ADK: variants seen among roughly 807,000 people sequenced by gnomAD.
ADK encodes the protein N6,N6-dimethyladenosine kinase.
In ADK, 24 loss-of-function variants were observed where a neutral mutation model predicts 44.7. The observed-to-expected ratio is 0.54, with a 90% CI of 0.39 to 0.76. The LOEUF is 0.76. Ranked by LOEUF, ADK falls within the 30% of genes least tolerant of loss-of-function variation. The probability of loss-of-function intolerance (pLI) is 0.00; values close to 1 mark genes in which losing one functional copy is unlikely to be tolerated. For synonymous variants in ADK, 128 were observed against 142.6 expected, an observed-to-expected ratio of 0.90 and a Z score of 0.73; for missense variants, 321 against 425.1, an observed-to-expected ratio of 0.76 and a Z score of 2.15.
intron 9 of ADK, among the ~76,000 whole-genome samples, chr10:74,617,893 G>A (rs959012760): frequency 1.3e-5 from 2 of 152,060 alleles, no homozygotes; most frequent in African/African-American, 2.4e-5. Context: ...TGCCAGCCTT[G>A]CTTTATGTAT....
chr10:74,526,092 T>A lies in ADK; in HGVS notation c.726+666T>A, dbSNP rs74399927. Reference sequence around the variant, plus strand: ...ACCACAATCAGGATAAAAAAGCACATTCATCACTTTTTTAAGTCTCTTCAG... The same window carrying A: ...ACCACAATCAGGATAAAAAAGCACAATCATCACTTTTTTAAGTCTCTTCAG... On this transcript the variant is annotated intron_variant, in intron 7 of 10. Coordinates refer to ENST00000539909, the MANE Select transcript of ADK (RefSeq NM_006721.4). 5.2e-3 allele frequency among the ~76,000 whole-genome samples: 792 copies of A among 152,270 alleles called. 6 individuals are homozygous for A. The highest frequency in any genetic ancestry group is 0.018 in the African/African-American group (757 of 41,562).
chr10:74,680,571 T>A (rs1279405680), intron 10 of ADK, among the ~76,000 whole-genome samples: 1 of 152,150 alleles, frequency 6.6e-6, no homozygotes, highest in East Asian at 1.9e-4. Context: ...GTAATTAGTG[T>A]AATCTTTAAA....
At chr10:74,292,354 T>A (rs912960992) in intron 3 of ADK, among the ~76,000 whole-genome samples, 1 of 152,208 alleles carries the variant, frequency 6.6e-6, no homozygotes, top group Non-Finnish European at 1.5e-5. Context: ...TTTTGTCAAA[T>A]CTCTATCCTT....
chr10:74,672,308 CA>C (rs1855218898), intron 10 of ADK, among the ~76,000 whole-genome samples: 1 of 152,076 alleles, frequency 6.6e-6, no homozygotes. Context: ...TTTTTTACAG[CA>C]CTTTTAATAC....
intron 6 of ADK, among the ~76,000 whole-genome samples, chr10:74,501,385 T>C (rs1186043274): frequency 6.6e-6 from 1 of 152,204 alleles, no homozygotes; most frequent in African/African-American, 2.4e-5. Flanking sequence ...ATTTCGTGTT[T>C]ATAAAATTTC....
chr10:74,369,515 C>A (rs558793834), intron 4 of ADK, among the ~76,000 whole-genome samples: 1 of 152,228 alleles, frequency 6.6e-6, no homozygotes, highest in African/African-American at 2.4e-5. Context: ...TTATCCTTCA[C>A]CTAAAATAAT....
At position 74,301,551 on chromosome 10, in the gene ADK, A is replaced by G. The variant is rs112191569; in HGVS notation, c.195-13116A>G. Among the ~76,000 whole-genome samples, 771 of 151,688 alleles carry G rather than the reference A, an allele frequency of 5.1e-3. 10 individuals are homozygous for G. The highest frequency in any genetic ancestry group is 0.017 in the African/African-American group (700 of 41,418). ...AAAAAAAAAGTAACTTTAAACACCA[A>G]TTAAATGAAATGTTATTTCCCCTAA... On this transcript the variant is annotated intron_variant, in intron 3 of 10. Coordinates refer to ENST00000539909, the MANE Select transcript of ADK (RefSeq NM_006721.4).
chr10:74,481,857 C>T (rs1847085974), intron 6 of ADK, among the ~76,000 whole-genome samples: 1 of 152,216 alleles, frequency 6.6e-6, no homozygotes, highest in African/African-American at 2.4e-5. Context: ...ATATGATGCA[C>T]ATATGCCAGT....
chr10:74,175,998 C>T (rs1400240057), intron 1 of ADK, among the ~76,000 whole-genome samples: 4 of 152,000 alleles, frequency 2.6e-5, no homozygotes, highest in African/African-American at 9.7e-5. Flanking sequence ...TTTTTTATAG[C>T]CCGCATGCTT....
chr10:74,594,524 TATTA>T (rs1851829626), intron 8 of ADK, among the ~76,000 whole-genome samples: 1 of 152,160 alleles, frequency 6.6e-6, no homozygotes, highest in Non-Finnish European at 1.5e-5. Context: ...AAATGGCAGA[TATTA>T]ATTCAACTGC....
At chr10:74,403,123 G>T (rs765294654) in intron 6 of ADK, among the ~76,000 whole-genome samples, 6 of 152,050 alleles carry the variant, frequency 3.9e-5, no homozygotes, top group Non-Finnish European at 7.4e-5. Flanking sequence ...TCAGAGGGGC[G>T]CCCAGTTGTA....
At chr10:74,161,530 T>C (rs1303742644) in intron 1 of ADK, among the ~76,000 whole-genome samples, 1 of 151,756 alleles carries the variant, frequency 6.6e-6, no homozygotes, top group Admixed American at 6.6e-5. Flanking sequence ...AAATTTTAAT[T>C]AATTTTTTTT....
At chr10:74,447,811 A>G (rs897545505) in intron 6 of ADK, among the ~76,000 whole-genome samples, 2 of 152,202 alleles carry the variant, frequency 1.3e-5, no homozygotes, top group Admixed American at 1.3e-4. Flanking sequence ...CTCAATGAAT[A>G]ATGTATATAC....
At chr10:74,384,732 A>G (rs1564690403) in intron 4 of ADK, among the ~76,000 whole-genome samples, 1 of 152,148 alleles carries the variant, frequency 6.6e-6, no homozygotes, top group Non-Finnish European at 1.5e-5. Context: ...ACATTGTCTC[A>G]GTAAGTGAAA....
At chr10:74,412,430 C>T (rs543683897) in intron 6 of ADK, among the ~76,000 whole-genome samples, 32 of 152,282 alleles carry the variant, frequency 2.1e-4, no homozygotes, top group African/African-American at 7.7e-4. Flanking sequence ...TGTGAGCCAC[C>T]ATGCCCAGCC....
chr10:74,563,999 C>T (rs1850554681), intron 7 of ADK, among the ~76,000 whole-genome samples: 2 of 151,928 alleles, frequency 1.3e-5, no homozygotes, highest in African/African-American at 2.4e-5. Context: ...CCCACTAACT[C>T]GTCATCTAGC....
At chr10:74,472,806 A>C (rs1047279347) in intron 6 of ADK, among the ~76,000 whole-genome samples, 3 of 152,150 alleles carry the variant, frequency 2.0e-5, no homozygotes, top group Non-Finnish European at 4.4e-5. Context: ...TAAAGAACTG[A>C]TATGACAGTG....
Position 74,320,560 on chromosome 10 carries a change from A to C in ADK, c.273+5815A>C, listed in dbSNP as rs189248092. Among the ~76,000 whole-genome samples, 530 of 152,136 alleles carry C rather than the reference A, an allele frequency of 3.5e-3. 6 individuals carry two copies. Among genetic ancestry groups the C allele is most frequent in the African/African-American group, 0.012 (493 of 41,496 alleles). On this transcript the variant is annotated intron_variant, in intron 4 of 10. Coordinates refer to ENST00000539909, the MANE Select transcript of ADK (RefSeq NM_006721.4). ...AGTTTTGGACCATTATATCTTCAAA[A>C]ATTTTTTTCTTTTATTTTCTCTTTG...
intron 4 of ADK, among the ~76,000 whole-genome samples, chr10:74,342,130 A>G (rs1362215271): frequency 1.3e-5 from 2 of 152,134 alleles, no homozygotes; most frequent in Admixed American, 6.6e-5. Context: ...TTTTGGGTCC[A>G]TTGCAATTCC....
Sources: allele counts gnomAD v4.1 joint callset (sites outside exome capture counted in the v4.1 genomes callset), GRCh38; gene constraint gnomAD v4.1.1; transcripts MANE v1.5; gene names NCBI Gene and HGNC (gene_info 2026-07-23, HGNC 2026-07-21).